The following PAQR3 variants were observed in gnomAD, a reference collection of about 807,000 sequenced individuals.
PAQR3 encodes the protein Raf kinase trapping to Golgi.
PAQR3 carries 39 observed loss-of-function variants against 41.7 expected under a neutral mutation model. The observed-to-expected ratio is 0.93, with a 90% CI of 0.72 to 1.22. The LOEUF (loss-of-function observed/expected upper bound fraction) is 1.22, where lower values mean the gene tolerates loss of function less well. PAQR3 is among the 50% of genes most tolerant of loss of function. PAQR3 has a pLI of 0.00. For missense variants in PAQR3, 366 were observed against 385.6 expected, an observed-to-expected ratio of 0.95 and a Z score of 0.42; for synonymous variants, 140 against 140.6, an observed-to-expected ratio of 1.00 and a Z score of 0.03.
chr4:78,928,637 G>A (rs1036622986), intron 3 of PAQR3, among the ~76,000 whole-genome samples: 3 of 152,220 alleles, frequency 2.0e-5, no homozygotes, highest in Non-Finnish European at 4.4e-5. Flanking sequence ...TCTGGGGACT[G>A]TGCCTTAGAG....
At chr4:78,938,924 G>A in intron 1 of PAQR3, 116 bp downstream of exon 1, 1 of 1,001,000 alleles carries the variant, frequency 1.0e-6, no homozygotes, top group Non-Finnish European at 1.5e-6. Context: ...TGAAAAGGAT[G>A]GGGCGGCGAG....
Position 78,916,631 on chromosome 4 carries a change from T to C in PAQR3, c.*3908A>G, listed in dbSNP as rs1012754161. ...TTTTTCAGTGAGTCATAATTACTGA[T>C]ACTCGAGTGATGACAGTAAGGCAAA... On this transcript the variant is annotated 3_prime_UTR_variant, in exon 6 of 6. Coordinates refer to ENST00000512733, the MANE Select transcript of PAQR3 (RefSeq NM_001040202.2). 6.6e-5 allele frequency: 10 copies of C among 151,926 alleles called. No homozygotes were observed. Among genetic ancestry groups the C allele is most frequent in the Non-Finnish European group, 1.0e-4 (7 of 67,858 alleles). 9.4% of individuals were successfully genotyped at this position (151,926 alleles called of 1,614,324 possible).
At chr4:78,922,329 G>T in intron 5 of PAQR3, 1 of 1,287,792 alleles carries the variant, frequency 7.8e-7, no homozygotes, top group South Asian at 1.2e-5. Context: ...CTGTGGGATG[G>T]ATTGTTTAGG....
intron 11 of PAQR3, among the ~76,000 whole-genome samples, chr4:78,904,032 C>G (rs1265921489): frequency 4.0e-5 from 6 of 151,864 alleles, no homozygotes; most frequent in African/African-American, 7.2e-5. Flanking sequence ...TCTCAGAATC[C>G]TTTCTTATGC....
chr4:78,937,750 G>C (rs1226439463), intron 1 of PAQR3, among the ~76,000 whole-genome samples: 2 of 152,164 alleles, frequency 1.3e-5, no homozygotes, highest in African/African-American at 4.8e-5. Context: ...TAAAGTCTTT[G>C]ACTCAATAGC....
In PAQR3 at chr4:78,912,086, G is replaced by C; in HGVS notation, c.*8453C>G. On this transcript the variant is annotated 3_prime_UTR_variant, in exon 6 of 6. Transcript: ENST00000512733. Reference sequence around the variant, plus strand: ...CTCCTGTTTCAAAAAAGTGTGAACAGTTTTATGAATTTGAAAGAAAATTTG... The same window carrying C: ...CTCCTGTTTCAAAAAAGTGTGAACACTTTTATGAATTTGAAAGAAAATTTG... The C allele has an allele frequency of 6.7e-7, 1 of 1,483,592 alleles. No homozygotes were observed. Among genetic ancestry groups the C allele is most frequent in the South Asian group, 1.3e-5 (1 of 75,682 alleles). 91.9% of individuals were successfully genotyped at this position (1,483,592 alleles called of 1,614,324 possible).
intron 11 of PAQR3, among the ~76,000 whole-genome samples, chr4:78,896,816 A>T (rs1733729487): frequency 6.6e-6 from 1 of 152,222 alleles, no homozygotes; most frequent in African/African-American, 2.4e-5. Context: ...TCTTTATTGA[A>T]TATCCTTACA....
At chr4:78,890,490 T>A (rs772777261) in intron 11 of PAQR3, among the ~76,000 whole-genome samples, 6 of 152,154 alleles carry the variant, frequency 3.9e-5, no homozygotes, top group African/African-American at 7.2e-5. Flanking sequence ...GTGTTCAGTG[T>A]CTACATTTTT....
rs191957062 is a variant in PAQR3 at position 78,926,137 on chromosome 4, C to G, written c.702+384G>C. On this transcript the variant is annotated intron_variant, in intron 4 of 5. Coordinates refer to ENST00000512733, the MANE Select transcript of PAQR3 (RefSeq NM_001040202.2). Reference sequence around the variant, plus strand: ...AATCCTTCCCAACCTCCCTTCACCCCCTAAAAGATCAACTGCTCCTATTTC... The same window carrying G: ...AATCCTTCCCAACCTCCCTTCACCCGCTAAAAGATCAACTGCTCCTATTTC... Among the ~76,000 whole-genome samples the G allele has an allele frequency of 2.6e-3, 396 of 152,284 alleles. 1 individual carries two copies. The highest frequency in any genetic ancestry group is 4.4e-3 in the Non-Finnish European group (302 of 68,024).
At chr4:78,898,854 A>G (rs1349994016) in intron 11 of PAQR3, 1 of 152,168 alleles carries the variant, frequency 6.6e-6, no homozygotes, top group Non-Finnish European at 1.5e-5. Context: ...AGATTATTGC[A>G]GCTGGTGCAG....
At position 78,939,111 on chromosome 4, in the gene PAQR3, C is replaced by G; in HGVS notation, c.114G>C (p.Gly38=). The change falls in exon 1 of 6, where the codon GGG becomes GGC. Residue 38 remains glycine, a synonymous_variant. Coordinates refer to ENST00000512733, the MANE Select transcript of PAQR3 (RefSeq NM_001040202.2). ...TGATGTACGGGTTGTCCTTGAGGGA[C>G]CCGGGGATCTGCTCGTAGGTGTACA... ...IRLYTYEQIP[G]SLKDNPYITD... 6.2e-7 allele frequency: 1 copy of G among 1,613,746 alleles called. No individual in the cohort carries two copies. The highest frequency in any genetic ancestry group is 8.5e-7 in the Non-Finnish European group (1 of 1,179,834).
chr4:78,926,764 A>G, intron 3 of PAQR3, 46 bp from the exon 4 acceptor site: 1 of 1,560,500 alleles, frequency 6.4e-7, no homozygotes, highest in Non-Finnish European at 8.8e-7. Context: ...TTAACAATAA[A>G]GGAACTGAAA....
downstream of PAQR3, among the ~76,000 whole-genome samples, chr4:78,909,758 C>T (rs1482673746): frequency 6.6e-6 from 1 of 152,194 alleles, no homozygotes; most frequent in Non-Finnish European, 1.5e-5. Context: ...TTTCAGAGCA[C>T]TAGTCACAAT....
chr4:78,926,325 T>C (rs1193362782), intron 4 of PAQR3, among the ~76,000 whole-genome samples, 196 bp downstream of exon 4: 2 of 152,160 alleles, frequency 1.3e-5, no homozygotes, highest in African/African-American at 4.8e-5. Context: ...AAAATCAGTA[T>C]TCAGATTTTA....
chr4:78,910,849 G>C (rs753081289), downstream of PAQR3: 11 of 1,613,838 alleles, frequency 6.8e-6, no homozygotes, highest in Admixed American at 8.3e-5. Context: ...TCTTCAGGGG[G>C]AACAAGGAGA....
At chr4:78,911,714 G>A, downstream of PAQR3, 1 of 1,613,914 alleles carries the variant, frequency 6.2e-7, no homozygotes, top group Non-Finnish European at 8.5e-7. Flanking sequence ...AAAGATAGGG[G>A]GAATGTCTTA....
rs1560588847 is a variant in PAQR3 at position 78,938,958 on chromosome 4, CGG to C, written c.185+80_185+81del. The C allele has an allele frequency of 4.5e-6, 6 of 1,331,740 alleles. No homozygotes were observed. In the African/African-American group the frequency reaches 9.1e-5, roughly 20 times the overall value. The allele number at this position is 1,331,740 out of a possible 1,614,324, so 82.5% of individuals were successfully genotyped here. The stretch of plus-strand genomic sequence containing the variant: ...AGGAAATGATGGGCAAGCAGAAAGG[CGG>C]GGAAAGCAGAAGGGGGACCAGACAA... On this transcript the variant is annotated intron_variant, in intron 1 of 5. Coordinates refer to ENST00000512733, the MANE Select transcript of PAQR3 (RefSeq NM_001040202.2).
chr4:78,904,877 A>G (rs1242603495), intron 11 of PAQR3, among the ~76,000 whole-genome samples: 1 of 151,894 alleles, frequency 6.6e-6, no homozygotes, highest in Non-Finnish European at 1.5e-5. Context: ...CTAGGTTCTG[A>G]AAATAAGATA....
intron 4 of PAQR3, among the ~76,000 whole-genome samples, chr4:78,925,034 A>C (rs373036054): frequency 1.3e-5 from 2 of 152,112 alleles, no homozygotes; most frequent in Non-Finnish European, 2.9e-5. Context: ...CTGTCTTTCC[A>C]TCTTTTTAAA....
Sources: allele counts gnomAD v4.1 joint callset (sites outside exome capture counted in the v4.1 genomes callset), GRCh38; gene constraint gnomAD v4.1.1; transcripts MANE v1.5; gene names NCBI Gene and HGNC (gene_info 2026-07-23, HGNC 2026-07-21).